The following CNGB3 variants were observed in gnomAD, a reference collection of about 807,000 sequenced individuals.
The protein encoded by CNGB3 is cyclic nucleotide-gated channel beta-3.
In CNGB3, 86 loss-of-function variants were observed where a neutral mutation model predicts 92.8. That is an observed-to-expected ratio of 0.93 (90% CI 0.78 to 1.11). The LOEUF (loss-of-function observed/expected upper bound fraction) is 1.11, where lower values mean the gene tolerates loss of function less well. Ranked by LOEUF, CNGB3 falls within the 50% of genes least tolerant of loss-of-function variation. CNGB3 has a pLI of 0.00. For synonymous variants in CNGB3, 333 were observed against 332.7 expected (o/e 1.00, Z -0.01); for missense variants, 1,026 against 956.8 (o/e 1.07, Z -0.95).
chr8:86,647,964 G>A, intron 7 of CNGB3, 77 bp from the exon 8 acceptor site: 1 of 888,434 alleles, frequency 1.1e-6, no homozygotes, highest in South Asian at 1.3e-5. Context: ...GCTGATGTCT[G>A]TAAAAGTTGA....
rs953020246 is a variant in CNGB3, at chr8:86,574,753, C to T, written c.*1051G>A. The T allele has an allele frequency of 2.6e-5, 4 of 152,206 alleles. No homozygotes were observed. Among genetic ancestry groups the T allele is most frequent in the Admixed American group, 6.5e-5 (1 of 15,280 alleles). The allele number at this position is 152,206 out of a possible 1,614,324, so 9.4% of individuals were successfully genotyped here. ...ACCAGCCTGGCCTTTGTAGCCTCCT[C>T]ACAGCATGCAACGTCGGTAATTATG... On this transcript the variant is annotated 3_prime_UTR_variant, in exon 18 of 18. Coordinates refer to ENST00000320005, the MANE Select transcript of CNGB3 (RefSeq NM_019098.5).
At chr8:86,661,329 C>T in intron 6 of CNGB3, 1 of 394,836 alleles carries the variant, frequency 2.5e-6, no homozygotes, top group South Asian at 2.2e-5. Context: ...CTGAATAAAT[C>T]CTTTTCAAGC....
chr8:86,676,153 A>C (rs1823963363), intron 3 of CNGB3, among the ~76,000 whole-genome samples: 1 of 152,184 alleles, frequency 6.6e-6, no homozygotes, highest in Non-Finnish European at 1.5e-5. Context: ...GACTCTAAGA[A>C]AGTTTTGACG....
At chr8:86,667,807 C>T (rs1823772912) in intron 5 of CNGB3, among the ~76,000 whole-genome samples, 2 of 152,172 alleles carry the variant, frequency 1.3e-5, no homozygotes, top group African/African-American at 2.4e-5. Flanking sequence ...AGGATCTGGA[C>T]TGCCTTTTAA....
chr8:86,727,721 T>C (rs1825085671), intron 2 of CNGB3, among the ~76,000 whole-genome samples: 1 of 152,136 alleles, frequency 6.6e-6, no homozygotes, highest in Non-Finnish European at 1.5e-5. Flanking sequence ...TTAATAGTTA[T>C]TCATTTTCCA....
At chr8:86,668,281 A>G in intron 4 of CNGB3, 113 bp from the exon 5 acceptor site, 3 of 1,063,566 alleles carry the variant, frequency 2.8e-6, no homozygotes, top group Non-Finnish European at 4.2e-6. Context: ...GTGGGAGTTG[A>G]ACAATGAGAA....
chr8:86,582,442 C>G (rs554671649), intron 15 of CNGB3, among the ~76,000 whole-genome samples: 7 of 148,954 alleles, frequency 4.7e-5, no homozygotes, highest in African/African-American at 1.7e-4. Context: ...ATGTCAGATA[C>G]AAAACCATAG....
At chr8:86,640,778 T>A (rs1168229656) in intron 10 of CNGB3, among the ~76,000 whole-genome samples, 1 of 152,132 alleles carries the variant, frequency 6.6e-6, no homozygotes, top group East Asian at 1.9e-4. Flanking sequence ...AAAATGGTTT[T>A]GTTTTAAAGC....
chr8:86,643,368 G>A (rs149177380), intron 10 of CNGB3, among the ~76,000 whole-genome samples: 30 of 151,362 alleles, frequency 2.0e-4, no homozygotes, highest in Admixed American at 5.9e-4. Flanking sequence ...TGTTGCAAAC[G>A]TTGAATATAT....
intron 15 of CNGB3, among the ~76,000 whole-genome samples, chr8:86,587,091 T>C (rs1481968047): frequency 1.4e-5 from 2 of 147,822 alleles, no homozygotes; most frequent in Non-Finnish European, 3.0e-5. Context: ...TGGCCAGTGA[T>C]GGTGAGCATT....
At chr8:86,681,025 G>T (rs559341405) in intron 3 of CNGB3, among the ~76,000 whole-genome samples, 1 of 152,098 alleles carries the variant, frequency 6.6e-6, no homozygotes, top group Non-Finnish European at 1.5e-5. Flanking sequence ...ATATACACAA[G>T]TTACAGGGGC....
intron 14 of CNGB3, among the ~76,000 whole-genome samples, chr8:86,605,160 C>A (rs1822389085): frequency 6.6e-6 from 1 of 152,110 alleles, no homozygotes; most frequent in Non-Finnish European, 1.5e-5. Context: ...CTTTTTCTTG[C>A]TATTCTTGCA....
chr8:86,583,520 GA>G (rs1206173128), intron 15 of CNGB3, among the ~76,000 whole-genome samples: 1 of 152,016 alleles, frequency 6.6e-6, no homozygotes, highest in African/African-American at 2.4e-5. Context: ...GAGAAGGAAG[GA>G]AAAAAGTGGG....
intron 3 of CNGB3, among the ~76,000 whole-genome samples, chr8:86,697,049 A>G (rs1002117099): frequency 1.9e-5 from 2 of 102,890 alleles, no homozygotes; most frequent in Non-Finnish European, 3.9e-5. Context: ...AAGGAAGGAA[A>G]GAAAGAAGGA....
At chr8:86,652,884 T>G (rs1823433706) in intron 7 of CNGB3, among the ~76,000 whole-genome samples, 2 of 152,152 alleles carry the variant, frequency 1.3e-5, no homozygotes. Context: ...ATACATAAGC[T>G]AGTAATATAG....
At chr8:86,625,243 C>A (rs1458558867) in intron 13 of CNGB3, among the ~76,000 whole-genome samples, 1 of 152,060 alleles carries the variant, frequency 6.6e-6, no homozygotes, top group Non-Finnish European at 1.5e-5. Flanking sequence ...ATTTTTCATT[C>A]CCTTCTTCTG....
chr8:86,730,452 C>A (rs1297209746), intron 2 of CNGB3, among the ~76,000 whole-genome samples: 2 of 152,152 alleles, frequency 1.3e-5, no homozygotes, highest in Non-Finnish European at 2.9e-5. Flanking sequence ...CTACTTTGGT[C>A]AAATTTCTAG....
intron 2 of CNGB3, among the ~76,000 whole-genome samples, chr8:86,733,893 G>T (rs770765571): frequency 6.6e-6 from 1 of 152,078 alleles, no homozygotes; most frequent in Admixed American, 6.5e-5. Context: ...TAAGAGACAG[G>T]GTTTCTTTCA....
In CNGB3 at chr8:86,632,816, T is replaced by C; in HGVS notation, c.1256A>G (p.Glu419Gly). 1 of 1,612,966 alleles carries C rather than the reference T, an allele frequency of 6.2e-7. No homozygotes were observed. Among genetic ancestry groups the C allele is most frequent in the Non-Finnish European group, 8.5e-7 (1 of 1,179,824 alleles). Reference protein sequence around the residue: ...GGLPEPQTLFEIVFQLLNFFS... With the variant: ...GGLPEPQTLFGIVFQLLNFFS... ...AAAATTCAAGAGTTGAAAAACAATT[T>C]CAAATAAAGTTTGTGGTTCTGGAAG... The change falls in exon 11 of 18, where the codon GAA becomes GGA. Residue 419 changes from glutamate (E) to glycine (G), a missense_variant. Transcript: ENST00000320005.
Sources: allele counts gnomAD v4.1 joint callset (sites outside exome capture counted in the v4.1 genomes callset), GRCh38; gene constraint gnomAD v4.1.1; transcripts MANE v1.5; gene names NCBI Gene and HGNC (gene_info 2026-07-23, HGNC 2026-07-21).